The following ANK2 variants were observed in gnomAD, a reference collection of about 807,000 sequenced individuals.
The protein encoded by ANK2 is ankyrin 2.
ANK2 carries 83 observed loss-of-function variants against 360.5 expected under a neutral mutation model. The observed-to-expected ratio is 0.23, with a 90% CI of 0.19 to 0.28. The LOEUF is 0.28. ANK2 is among the 10% of genes least tolerant of loss of function. ANK2 has a pLI of 1.00. For missense variants in ANK2, 4,201 were observed against 4,795.7 expected, an observed-to-expected ratio of 0.88 and a Z score of 3.66; for synonymous variants, 1,740 against 1,759.5, an observed-to-expected ratio of 0.99 and a Z score of 0.28.
At chr4:113,078,628 G>A (rs1269178239) in intron 1 of ANK2, among the ~76,000 whole-genome samples, 19 of 152,112 alleles carry the variant, frequency 1.2e-4, no homozygotes, top group Non-Finnish European at 2.1e-4. Context: ...TTTTAAAGAT[G>A]AGGAGACTGA....
chr4:112,988,473 A>G (rs1001705069), intron 2 of ANK2, among the ~76,000 whole-genome samples: 3 of 152,192 alleles, frequency 2.0e-5, no homozygotes, highest in African/African-American at 7.2e-5. Context: ...GATCTGAAGA[A>G]ATTAATAGAA....
intron 13 of ANK2, among the ~76,000 whole-genome samples, chr4:113,263,194 A>C (rs1026436987): frequency 3.1e-4 from 47 of 150,954 alleles, no homozygotes; most frequent in Non-Finnish European, 8.9e-5. Context: ...TCTGAAAAAA[A>C]AAAAAAAAAA....
At chr4:113,139,692 TGTCAGTC>T (rs1453097640) in intron 1 of ANK2, among the ~76,000 whole-genome samples, 3 of 152,252 alleles carry the variant, frequency 2.0e-5, no homozygotes, top group Non-Finnish European at 4.4e-5. Flanking sequence ...GTCTCTTTAA[TGTCAGTC>T]AGCGACATTT....
chr4:112,724,009 G>A, the ANK2 span, among the ~76,000 whole-genome samples: 92 of 151,596 alleles, frequency 6.1e-4, no homozygotes, highest in African/African-American at 2.2e-3. Context: ...TAATTCCTAC[G>A]ATAACTGTTC....
At chr4:112,939,877 T>C (rs1349613372) in intron 2 of ANK2, among the ~76,000 whole-genome samples, 1 of 152,210 alleles carries the variant, frequency 6.6e-6, no homozygotes, top group Admixed American at 6.6e-5. Context: ...AAGAACAAAA[T>C]TTGATGTAAA....
At chr4:112,872,864 AT>A (rs937799950) in intron 1 of ANK2, among the ~76,000 whole-genome samples, 1 of 150,566 alleles carries the variant, frequency 6.6e-6, no homozygotes, top group Admixed American at 6.6e-5. Context: ...TGTGAAAAAA[AT>A]TTTTTTTTTA....
Position 113,023,718 on chromosome 4 carries a change from T to C in ANK2, c.21+119204T>C, listed in dbSNP as rs189572497. ...TGTTCATGCACTACACCATAGGCTG[T>C]ATGACAGCGGGGTCTTTGTTTTGTT... On this transcript the variant is annotated intron_variant, in intron 2 of 30. Coordinates refer to the ANK2 transcript ENST00000503271. Among the ~76,000 whole-genome samples, 42 of 152,342 alleles carry C rather than the reference T, an allele frequency of 2.8e-4. 1 individual carries two copies. In the South Asian group the frequency reaches 3.7e-3, roughly 14 times the overall value.
chr4:113,265,378 C>A (rs2055391182), intron 14 of ANK2, among the ~76,000 whole-genome samples: 1 of 152,100 alleles, frequency 6.6e-6, no homozygotes, highest in African/African-American at 2.4e-5. Context: ...CCACTTAAAC[C>A]AATCACATTT....
chr4:112,850,286 ATCTATCTATCTATCTAATTT>A (rs1258714800), intron 1 of ANK2, among the ~76,000 whole-genome samples: 1 of 134,628 alleles, frequency 7.4e-6, no homozygotes, highest in Non-Finnish European at 1.6e-5. Context: ...CTATCTATCT[ATCTATCTATCTATCTAATTT>A]GTTCATCCAT....
rs1339047079 is a variant in ANK2, at chr4:113,249,821, C to T, written c.949C>T (p.Leu317Phe). 3.1e-6 allele frequency: 5 copies of T among 1,614,196 alleles called. No homozygotes were observed. The highest frequency in any genetic ancestry group is 1.7e-5 in the Admixed American group (1 of 60,026). ...AAGTGGGCATGACCAAGTGGTGGAA[C>T]TTCTGTTGGAACGGGGTGCCCCCTT... ...ARSGHDQVVE[L>F]LLERGAPLLA... The change falls in exon 10 of 46, where the codon CTT becomes TTT. Residue 317 changes from leucine to phenylalanine, a missense_variant. By Grantham distance (22) the Leu-to-Phe change is conservative (BLOSUM62 0). Around this residue, in one of 4 missense-constraint regions of ANK2, gnomAD observed 122 missense variants for 239.3 expected, o/e 0.51. Transcript: ENST00000357077.
At chr4:112,850,284 C>CTATCT (rs1364287582) in intron 1 of ANK2, among the ~76,000 whole-genome samples, 1 of 134,064 alleles carries the variant, frequency 7.5e-6, no homozygotes, top group African/African-American at 3.1e-5. Flanking sequence ...ATCTATCTAT[C>CTATCT]TATCTATCTA....
At chr4:113,114,587 G>A (rs1196983611) in intron 1 of ANK2, among the ~76,000 whole-genome samples, 2 of 151,892 alleles carry the variant, frequency 1.3e-5, no homozygotes, top group African/African-American at 4.8e-5. Context: ...TTAAGTTGAA[G>A]TTTAAAAAAT....
chr4:112,990,735 C>T (rs12512769), intron 2 of ANK2, among the ~76,000 whole-genome samples: 12,762 of 152,150 alleles, frequency 0.084, 631 homozygotes, highest in Admixed American at 0.17. Context: ...ATGCTCAGAG[C>T]ACCAGGATTC....
chr4:113,252,860 G>A lies in ANK2; in HGVS notation c.991-2875G>A, dbSNP rs149654323. Among the ~76,000 whole-genome samples, 920 of 152,284 alleles carry A rather than the reference G, an allele frequency of 6.0e-3. 7 individuals are homozygous for A. Among genetic ancestry groups the A allele is most frequent in the African/African-American group, 0.021 (875 of 41,550 alleles). The stretch of plus-strand genomic sequence containing the variant: ...GGAAACACCCAGCCACACTAACTGT[G>A]CTCATTTTAGATTCATGATCACTAA... On this transcript the variant is annotated intron_variant, in intron 10 of 45. Transcript: ENST00000357077.
Position 112,950,659 on chromosome 4 carries a change from A to G in ANK2, c.21+46145A>G, listed in dbSNP as rs1259348198. ...ACTCTGTCTCAAAAAGAAAAAAAAA[A>G]AAAAGAAAAAAAGAAAGGTTAAAAA... On this transcript the variant is annotated intron_variant, in intron 2 of 30. Coordinates refer to the ANK2 transcript ENST00000503271. Among the ~76,000 whole-genome samples, 12 of 151,636 alleles carry G rather than the reference A, an allele frequency of 7.9e-5. No homozygotes were observed. In the South Asian group the frequency reaches 1.5e-3, roughly 18 times the overall value.
chr4:113,257,548 T>C (rs1468231145), intron 11 of ANK2, among the ~76,000 whole-genome samples: 1 of 152,210 alleles, frequency 6.6e-6, no homozygotes. Flanking sequence ...TGACTAGAAA[T>C]ATGCCCTTTA....
At chr4:113,245,801 A>G (rs1044503428) in intron 9 of ANK2, among the ~76,000 whole-genome samples, 1 of 151,998 alleles carries the variant, frequency 6.6e-6, no homozygotes, top group Non-Finnish European at 1.5e-5. Context: ...GCTTCTACAT[A>G]TGAAAATTTT....
chr4:112,904,849 C>T (rs1325056255), intron 2 of ANK2, among the ~76,000 whole-genome samples: 1 of 152,104 alleles, frequency 6.6e-6, no homozygotes, highest in African/African-American at 2.4e-5. Flanking sequence ...TCACCAAAGT[C>T]ATCTATTTTC....
At chr4:113,199,186 G>C in intron 4 of ANK2, 77 bp downstream of exon 4, 1 of 1,162,220 alleles carries the variant, frequency 8.6e-7, no homozygotes, top group Non-Finnish European at 1.3e-6. Flanking sequence ...AATGTGTTTA[G>C]CTAGCTGTTC....
Sources: gnomAD v4.1 joint callset for allele counts (sites outside exome capture counted in the v4.1 genomes callset) on GRCh38, gnomAD v4.1.1 for gene constraint, gnomAD v4.1.1 regional missense constraint, MANE v1.5 for transcripts, NCBI Gene and HGNC (gene_info 2026-07-23, HGNC 2026-07-21) for gene names.